TAAR5: variants seen among roughly 807,000 people sequenced by gnomAD.
TAAR5 encodes trace amine associated receptor 5.
A neutral mutation model predicts 21.1 loss-of-function variants in TAAR5; 27 were observed. The observed-to-expected ratio is 1.28, with a 90% CI of 0.94 to 1.76. TAAR5 has a LOEUF of 1.76. Among genes scored for constraint, TAAR5 ranks in the 40% most tolerant of loss-of-function variants. TAAR5 has a pLI of 0.00. For missense variants in TAAR5, 495 were observed against 405.6 expected (o/e 1.22, Z -1.89); for synonymous variants, 203 against 167.5 (o/e 1.21, Z -1.64).
chr6:132,595,561 C>T, the TAAR5 span: 1 of 152,182 alleles, frequency 6.6e-6, no homozygotes, highest in Non-Finnish European at 1.5e-5. Flanking sequence ...AGAGGCCAAA[C>T]TAAGCCTGCA....
chr6:132,598,388 A>T, the TAAR5 span, among the ~76,000 whole-genome samples: 78,769 of 152,038 alleles, frequency 0.52, 21,458 homozygotes, highest in African/African-American at 0.69. Flanking sequence ...AAATAAACCT[A>T]TCTAATTTTT....
At chr6:132,611,862 T>G in the TAAR5 span, among the ~76,000 whole-genome samples, 1 of 152,238 alleles carries the variant, frequency 6.6e-6, no homozygotes, top group Non-Finnish European at 1.5e-5. Flanking sequence ...TTATTACTAC[T>G]GTATCATATC....
the TAAR5 span, among the ~76,000 whole-genome samples, chr6:132,616,379 A>G: frequency 6.6e-6 from 1 of 152,252 alleles, no homozygotes; most frequent in Non-Finnish European, 1.5e-5. Flanking sequence ...TTTAGTAGAT[A>G]TTCCACATTT....
chr6:132,591,806 C>T (rs1331535564), upstream of TAAR5, among the ~76,000 whole-genome samples: 1 of 152,200 alleles, frequency 6.6e-6, no homozygotes, highest in Non-Finnish European at 1.5e-5. Context: ...ATATGTAACA[C>T]AATTGTATGA....
chr6:132,594,750 T>C, the TAAR5 span: 56 of 152,102 alleles, frequency 3.7e-4, no homozygotes, highest in African/African-American at 1.1e-3. Context: ...TTGCATGGCA[T>C]GCTTCCTGGC....
upstream of TAAR5, among the ~76,000 whole-genome samples, chr6:132,592,082 A>G (rs1012934816): frequency 1.3e-5 from 2 of 152,212 alleles, no homozygotes; most frequent in African/African-American, 4.8e-5. Context: ...TAACAATCAC[A>G]GGCAAAAGTA....
the TAAR5 span, among the ~76,000 whole-genome samples, chr6:132,600,980 AGAAG>A: frequency 4.9e-4 from 8 of 16,380 alleles, no homozygotes; most frequent in African/African-American, 3.5e-3. Context: ...AAGGAGGGAA[AGAAG>A]GAAGGAAGGA....
chr6:132,600,324 T>C, the TAAR5 span, among the ~76,000 whole-genome samples: 1 of 152,208 alleles, frequency 6.6e-6, no homozygotes, highest in African/African-American at 2.4e-5. Flanking sequence ...AGAAGATCTG[T>C]TAATGGCTTT....
chr6:132,588,874 G>A lies in TAAR5; in HGVS notation c.813C>T (p.Asp271=), dbSNP rs1233911114. The A allele has an allele frequency of 6.2e-7, 1 of 1,614,124 alleles. No individual in the cohort carries two copies. Among genetic ancestry groups the A allele is most frequent in the South Asian group, 1.1e-5 (1 of 91,082 alleles). ...YLLCWLPFTI[D]TMVDSLLHFI... Reference sequence around the variant, plus strand: ...AGTGAAGGAGGCTGTCGACCATCGTGTCTATGGTGAAGGGCAGCCAGCACA... The same window carrying A: ...AGTGAAGGAGGCTGTCGACCATCGTATCTATGGTGAAGGGCAGCCAGCACA... Residue 271 remains aspartate, a synonymous_variant, in exon 1 of 1, where the codon GAC becomes GAT. Coordinates refer to ENST00000258034, the MANE Select transcript of TAAR5 (RefSeq NM_003967.3).
At chr6:132,592,847 C>T (rs2114579547), upstream of TAAR5, among the ~76,000 whole-genome samples, 1 of 152,246 alleles carries the variant, frequency 6.6e-6, no homozygotes, top group South Asian at 2.1e-4. Flanking sequence ...CTTGGCCTAG[C>T]TCTACTCTGC....
At chr6:132,608,598 A>G in the TAAR5 span, 1 of 455,872 alleles carries the variant, frequency 2.2e-6, no homozygotes, top group African/African-American at 2.0e-5. Flanking sequence ...TGACTCGAGC[A>G]TGCTGTTTGG....
At chr6:132,616,405 C>T in the TAAR5 span, among the ~76,000 whole-genome samples, 1 of 152,142 alleles carries the variant, frequency 6.6e-6, no homozygotes, top group African/African-American at 2.4e-5. Context: ...AACACCAGAA[C>T]ACCAAATAGC....
At chr6:132,604,361 T>G in the TAAR5 span, among the ~76,000 whole-genome samples, 1 of 152,134 alleles carries the variant, frequency 6.6e-6, no homozygotes, top group Non-Finnish European at 1.5e-5. Flanking sequence ...CAAGACGGTC[T>G]TGATCTCTTG....
At chr6:132,616,232 C>CA in the TAAR5 span, among the ~76,000 whole-genome samples, 2 of 152,148 alleles carry the variant, frequency 1.3e-5, no homozygotes, top group African/African-American at 4.8e-5. Context: ...CATCACTGGT[C>CA]ACAGCCCATC....
At chr6:132,605,517 A>G in the TAAR5 span, among the ~76,000 whole-genome samples, 17 of 152,240 alleles carry the variant, frequency 1.1e-4, no homozygotes, top group African/African-American at 4.1e-4. Context: ...CCATGTGCCA[A>G]TGTCCCAACT....
chr6:132,599,599 G>T, the TAAR5 span, among the ~76,000 whole-genome samples: 55,477 of 151,784 alleles, frequency 0.37, 10,451 homozygotes, highest in African/African-American at 0.41. Context: ...AAAGGGCTGG[G>T]ATTACAGGCA....
chr6:132,607,052 G>A, the TAAR5 span, among the ~76,000 whole-genome samples: 168 of 151,956 alleles, frequency 1.1e-3, no homozygotes, highest in Non-Finnish European at 1.8e-3. Context: ...AAAGGTTGCC[G>A]GGTGTGATGG....
chr6:132,611,086 A>G, the TAAR5 span, among the ~76,000 whole-genome samples: 8 of 152,208 alleles, frequency 5.3e-5, no homozygotes, highest in African/African-American at 1.7e-4. Flanking sequence ...TCATTTAGCC[A>G]TAAAAAAGAA....
At position 132,588,600 on chromosome 6, in the gene TAAR5, C is replaced by G; in HGVS notation, c.*73G>C. The G allele has an allele frequency of 6.6e-7, 1 of 1,519,302 alleles. No individual in the cohort carries two copies. The highest frequency in any genetic ancestry group is 8.9e-7 in the Non-Finnish European group (1 of 1,121,656). 94.1% of individuals were successfully genotyped at this position (1,519,302 alleles called of 1,614,324 possible). On this transcript the variant is annotated 3_prime_UTR_variant, in exon 1 of 1. Transcript: ENST00000258034. ...AAGCATGCCCACAAACTCAACACCA[C>G]ACAGCCCACGGTCACAGTGCCACTT...
Sources: allele counts gnomAD v4.1 joint callset (sites outside exome capture counted in the v4.1 genomes callset), GRCh38; gene constraint gnomAD v4.1.1; transcripts MANE v1.5; gene names NCBI Gene and HGNC (gene_info 2026-07-23, HGNC 2026-07-21).